Variants in PRKAG2 observed in about 807,000 individuals in gnomAD.
PRKAG2 encodes the protein protein kinase AMP-activated non-catalytic subunit gamma 2.
A neutral mutation model predicts 69.6 loss-of-function variants in PRKAG2; 26 were observed. The ratio of observed to expected loss-of-function variants is 0.37; its 90% CI spans 0.27 to 0.52. PRKAG2 has a LOEUF of 0.52. Among genes scored for constraint, PRKAG2 ranks in the 20% least tolerant of loss-of-function variants. The pLI, the probability that PRKAG2 is intolerant of heterozygous loss-of-function variation, is 0.90. For missense variants in PRKAG2, 557 were observed against 740.0 expected (o/e 0.75, Z 2.87); for synonymous variants, 293 against 285.0 (o/e 1.03, Z -0.28).
In PRKAG2 at chr7:151,835,225, T is replaced by C. The variant is rs1316610633; in HGVS notation, c.114+41282A>G. On this transcript the variant is annotated intron_variant, in intron 1 of 15. Coordinates refer to ENST00000287878, the MANE Select transcript of PRKAG2 (RefSeq NM_016203.4). This position sits in a 1 kb window ranked among gnomAD's most constrained non-coding sequence, Gnocchi z 4.1. Reference sequence around the variant, plus strand: ...TGCCCTTAGAAAGGTTTTATGTTCATTTGTTTTTAGGGTCAGGGTCTTGCT... The same window carrying C: ...TGCCCTTAGAAAGGTTTTATGTTCACTTGTTTTTAGGGTCAGGGTCTTGCT... 1.3e-5 allele frequency among the ~76,000 whole-genome samples: 2 copies of C among 152,180 alleles called. No individual in the cohort carries two copies. Among genetic ancestry groups the C allele is most frequent in the Non-Finnish European group, 2.9e-5 (2 of 68,026 alleles).
At chr7:151,702,879 G>C (rs567711594) in intron 3 of PRKAG2, among the ~76,000 whole-genome samples, 3 of 152,310 alleles carry the variant, frequency 2.0e-5, no homozygotes, top group African/African-American at 7.2e-5. Context: ...TGTAGGTCTG[G>C]AATGCCAGAA....
chr7:151,823,083 T>C (rs1292678046), intron 1 of PRKAG2, among the ~76,000 whole-genome samples: 15 of 112,918 alleles, frequency 1.3e-4, no homozygotes, highest in African/African-American at 4.5e-4. Context: ...ACCTGCTCCC[T>C]GACCCCTGGC....
At chr7:151,844,564 TAGAA>T (rs1183137174) in intron 1 of PRKAG2, among the ~76,000 whole-genome samples, 1 of 152,084 alleles carries the variant, frequency 6.6e-6, no homozygotes, top group African/African-American at 2.4e-5. Context: ...TCATACGAAA[TAGAA>T]AGAGATACGA....
intron 4 of PRKAG2, among the ~76,000 whole-genome samples, chr7:151,636,829 C>T (rs59580177): frequency 0.14 from 21,205 of 151,390 alleles, 1,781 homozygotes; most frequent in African/African-American, 0.21. Context: ...CTCAGCCTCC[C>T]GAGTAGCTGG....
At chr7:151,823,900 G>A (rs532852238) in intron 1 of PRKAG2, among the ~76,000 whole-genome samples, 5 of 152,322 alleles carry the variant, frequency 3.3e-5, no homozygotes, top group Admixed American at 1.3e-4. Context: ...TGCTGGGGCT[G>A]AGAACTGGGT....
chr7:151,863,795 C>T (rs541205215), intron 1 of PRKAG2, among the ~76,000 whole-genome samples: 16 of 152,034 alleles, frequency 1.1e-4, no homozygotes, highest in Middle Eastern at 3.4e-3. Context: ...CCTGCGGTCC[C>T]GGCTACTGAG....
At chr7:151,679,482 C>T (rs113927666) in intron 3 of PRKAG2, among the ~76,000 whole-genome samples, 2 of 152,276 alleles carry the variant, frequency 1.3e-5, no homozygotes, top group Non-Finnish European at 2.9e-5. Context: ...CCACTGGACA[C>T]AGGGCCCCTT....
chr7:151,706,962 C>T (rs752668565), intron 3 of PRKAG2, among the ~76,000 whole-genome samples: 7 of 152,358 alleles, frequency 4.6e-5, no homozygotes, highest in Non-Finnish European at 5.9e-5. Context: ...CCCAACCCAA[C>T]GTCAGCCTCA....
chr7:151,809,581 C>T, intron 1 of PRKAG2: 1 of 215,748 alleles, frequency 4.6e-6, no homozygotes, highest in Non-Finnish European at 9.5e-6. Context: ...GCTCACTTGA[C>T]TCACATGGCA....
intron 3 of PRKAG2, among the ~76,000 whole-genome samples, chr7:151,768,060 T>G (rs2075831011): frequency 1.3e-5 from 2 of 152,142 alleles, no homozygotes; most frequent in South Asian, 4.1e-4. Flanking sequence ...AATAACATAA[T>G]AATCAGAATA....
intron 5 of PRKAG2, among the ~76,000 whole-genome samples, chr7:151,625,446 C>T (rs558490091): frequency 3.3e-5 from 5 of 152,096 alleles, no homozygotes; most frequent in South Asian, 2.1e-4. Flanking sequence ...CCGGGAAGTG[C>T]GGACTCCTAC....
Position 151,559,250 on chromosome 7 carries a change from G to A in PRKAG2, c.1678+1274C>T, listed in dbSNP as rs80248081. ...TACTGTTCGTTTTCAATCCTGTATC[G>A]TATTCCATCGAATGAATGTGACACA... On this transcript the variant is annotated intron_variant, in intron 15 of 15. Transcript: ENST00000287878. 5,352 of 972,320 alleles carry A rather than the reference G, an allele frequency of 5.5e-3. 180 individuals carry two copies. The East Asian group carries it at 0.16, about 29-fold the overall frequency. The allele number at this position is 972,320 out of a possible 1,614,324, so 60.2% of individuals were successfully genotyped here.
chr7:151,786,564 GGTCA>G (rs1440223047), intron 1 of PRKAG2, 23 bp from the exon 2 acceptor site: 3 of 1,604,134 alleles, frequency 1.9e-6, no homozygotes, highest in Middle Eastern at 1.7e-4. Context: ...GAGAGCACGT[GGTCA>G]GTGACAGTGG....
intron 5 of PRKAG2, among the ~76,000 whole-genome samples, chr7:151,603,037 G>A (rs1351556884): frequency 1.3e-5 from 2 of 152,148 alleles, no homozygotes; most frequent in South Asian, 4.1e-4. Flanking sequence ...GAGAACACAC[G>A]GTTTTTCTCA....
chr7:151,800,871 A>G lies in PRKAG2; in HGVS notation c.115-14330T>C, dbSNP rs548714514. ...ACAATAAGGTATCAACAGAAGCTCA[A>G]TGGTAACAGAGGTGCCACAGTAATG... is the stretch of plus-strand genomic sequence containing the variant. On this transcript the variant is annotated intron_variant, in intron 1 of 15. Coordinates refer to ENST00000287878, the MANE Select transcript of PRKAG2 (RefSeq NM_016203.4). Among the ~76,000 whole-genome samples the G allele has an allele frequency of 1.1e-4, 17 of 152,300 alleles. No individual in the cohort carries two copies. The South Asian group carries it at 3.1e-3, about 28-fold the overall frequency.
chr7:151,639,432 A>C (rs1263673038), intron 4 of PRKAG2, among the ~76,000 whole-genome samples: 1 of 152,172 alleles, frequency 6.6e-6, no homozygotes, highest in East Asian at 1.9e-4. Flanking sequence ...CCGGTAAAGC[A>C]TTATTTCTGG....
At chr7:151,856,530 C>T (rs73728427) in intron 1 of PRKAG2, among the ~76,000 whole-genome samples, 8,006 of 152,300 alleles carry the variant, frequency 0.053, 656 homozygotes, top group East Asian at 0.39. Context: ...CAATTGGCCT[C>T]GCCGTGGCCC....
intron 4 of PRKAG2, among the ~76,000 whole-genome samples, chr7:151,657,473 T>C (rs1017021509): frequency 1.3e-5 from 2 of 151,984 alleles, no homozygotes; most frequent in African/African-American, 4.8e-5. Flanking sequence ...GAGTGGGGAG[T>C]GCCATTTGGT....
chr7:151,785,118 C>T (rs1443253909), intron 2 of PRKAG2, among the ~76,000 whole-genome samples: 1 of 152,270 alleles, frequency 6.6e-6, no homozygotes, highest in African/African-American at 2.4e-5. Flanking sequence ...AAGTGTGTGC[C>T]TGGCTCCGCA....
Sources: allele counts gnomAD v4.1 joint callset (sites outside exome capture counted in the v4.1 genomes callset), GRCh38; gene constraint gnomAD v4.1.1; non-coding constraint Gnocchi (gnomAD v3.1); transcripts MANE v1.5; gene names NCBI Gene and HGNC (gene_info 2026-07-23, HGNC 2026-07-21).